Variants in SYT1 observed in about 807,000 individuals in gnomAD.
SYT1 encodes the protein synaptotagmin 1, also known as synaptotagmin-1.
A neutral mutation model predicts 44.8 loss-of-function variants in SYT1; 8 were observed. The observed-to-expected ratio is 0.18, with a 90% CI of 0.10 to 0.32. The LOEUF (loss-of-function observed/expected upper bound fraction) is 0.32. Ranked by LOEUF, SYT1 falls within the 10% of genes least tolerant of loss-of-function variation. The pLI, the probability that SYT1 is intolerant of heterozygous loss-of-function variation, is 1.00. For missense variants in SYT1, 286 were observed against 509.3 expected (o/e 0.56, Z 4.22); for synonymous variants, 154 against 188.8 (o/e 0.82, Z 1.51).
intron 3 of SYT1, among the ~76,000 whole-genome samples, chr12:79,066,792 C>T (rs372930246): frequency 4.6e-5 from 7 of 152,214 alleles, no homozygotes; most frequent in East Asian, 3.9e-4. Context: ...TGATGATTAT[C>T]CAGTTGCTTT....
At chr12:79,332,593 G>A (rs941134) in intron 8 of SYT1, among the ~76,000 whole-genome samples, 16,984 of 152,192 alleles carry the variant, frequency 0.11, 1,413 homozygotes, top group African/African-American at 0.24. Context: ...ATAAAAGTCA[G>A]TAACTCCGAA....
At chr12:79,318,901 A>G (rs1881224128) in intron 8 of SYT1, among the ~76,000 whole-genome samples, 1 of 152,220 alleles carries the variant, frequency 6.6e-6, no homozygotes, top group South Asian at 2.1e-4. Context: ...TTATGTTTTT[A>G]TTTTATAACG....
chr12:79,443,922 A>G, intron 9 of SYT1, 151 bp from the exon 10 acceptor site: 1 of 830,338 alleles, frequency 1.2e-6, no homozygotes, highest in Non-Finnish European at 1.8e-6. Context: ...GTTATTTAAA[A>G]TATTTCAATA....
intron 2 of SYT1, among the ~76,000 whole-genome samples, chr12:79,009,088 A>G (rs778074805): frequency 1.6e-4 from 25 of 152,252 alleles, no homozygotes; most frequent in South Asian, 8.3e-4. Context: ...CTTTCATTAC[A>G]TGTTTAACTT....
chr12:79,310,244 G>A (rs1880704874), intron 8 of SYT1, among the ~76,000 whole-genome samples: 1 of 152,028 alleles, frequency 6.6e-6, no homozygotes, highest in African/African-American at 2.4e-5. Flanking sequence ...TGGCTAGCCA[G>A]TTTTCCCAGC....
chr12:79,280,134 A>G (rs2138807491), intron 4 of SYT1, among the ~76,000 whole-genome samples: 1 of 152,164 alleles, frequency 6.6e-6, no homozygotes, highest in Admixed American at 6.5e-5. Flanking sequence ...CAGAATTAGA[A>G]AAAAAAACAC....
At chr12:79,251,336 GA>G (rs11412114) in intron 4 of SYT1, among the ~76,000 whole-genome samples, 13 of 147,978 alleles carry the variant, frequency 8.8e-5, no homozygotes, top group South Asian at 2.1e-4. Flanking sequence ...AACCTGGAGG[GA>G]AAAAAAAAAT....
intron 1 of SYT1, among the ~76,000 whole-genome samples, chr12:78,926,890 T>C (rs939275845): frequency 1.3e-5 from 2 of 152,188 alleles, no homozygotes; most frequent in Non-Finnish European, 2.9e-5. Context: ...AATGCACCTT[T>C]GGTACACTTT....
chr12:79,257,766 C>T (rs1318828993), intron 4 of SYT1, among the ~76,000 whole-genome samples: 2 of 152,180 alleles, frequency 1.3e-5, no homozygotes, highest in African/African-American at 4.8e-5. Flanking sequence ...GGATTACAGG[C>T]GTGAGCCACC....
At chr12:78,909,816 A>G (rs1360779600) in intron 1 of SYT1, among the ~76,000 whole-genome samples, 1 of 151,990 alleles carries the variant, frequency 6.6e-6, no homozygotes, top group African/African-American at 2.4e-5. Flanking sequence ...TTTTACTGCA[A>G]TCGAATACCA....
intron 3 of SYT1, among the ~76,000 whole-genome samples, 174 bp from the exon 4 acceptor site, chr12:79,217,329 C>T (rs1044784526): frequency 1.3e-5 from 2 of 152,180 alleles, no homozygotes; most frequent in African/African-American, 2.4e-5. Context: ...ACTCTTCACT[C>T]GCTGTGGTTC....
At chr12:79,423,978 A>G (rs1869278840) in intron 9 of SYT1, among the ~76,000 whole-genome samples, 1 of 151,610 alleles carries the variant, frequency 6.6e-6, no homozygotes, top group Non-Finnish European at 1.5e-5. Context: ...GTATTTGGTT[A>G]TTTCTTTTTT....
At chr12:79,383,978 A>C (rs1884327896) in intron 9 of SYT1, among the ~76,000 whole-genome samples, 1 of 152,192 alleles carries the variant, frequency 6.6e-6, no homozygotes. Flanking sequence ...ATCTTTTAGA[A>C]GTATTATTTG....
chr12:79,178,988 C>A (rs60790451), intron 3 of SYT1, among the ~76,000 whole-genome samples: 450 of 42,590 alleles, frequency 0.011, 43 homozygotes, highest in African/African-American at 0.027. Flanking sequence ...ATAGATATAT[C>A]TATATAGATA....
chr12:79,047,538 T>G (rs1251486216), intron 3 of SYT1, among the ~76,000 whole-genome samples, 176 bp downstream of exon 3: 1 of 151,860 alleles, frequency 6.6e-6, no homozygotes, highest in African/African-American at 2.4e-5. Context: ...CCTATAATCC[T>G]CTTACATAAG....
chr12:79,225,011 C>T (rs1875428097), intron 4 of SYT1, among the ~76,000 whole-genome samples: 1 of 151,780 alleles, frequency 6.6e-6, no homozygotes, highest in South Asian at 2.1e-4. Flanking sequence ...GAACTCCCGA[C>T]CTCAGGTGAT....
intron 9 of SYT1, among the ~76,000 whole-genome samples, chr12:79,412,249 G>A (rs1474033713): frequency 2.6e-5 from 4 of 152,128 alleles, no homozygotes; most frequent in Non-Finnish European, 4.4e-5. Context: ...TGCTTAGGAG[G>A]AGCCAGCCAC....
intron 2 of SYT1, among the ~76,000 whole-genome samples, chr12:79,025,924 A>G (rs1345598678): frequency 6.6e-6 from 1 of 151,622 alleles, no homozygotes; most frequent in African/African-American, 2.4e-5. Flanking sequence ...TTATGTTTAT[A>G]TATGAATATG....
intron 3 of SYT1, among the ~76,000 whole-genome samples, chr12:79,065,311 G>T (rs1311676997): frequency 2.6e-5 from 4 of 152,158 alleles, no homozygotes; most frequent in African/African-American, 7.2e-5. Context: ...TTGAGTCCGG[G>T]AGGTGAAGGA....
Sources: allele counts gnomAD v4.1 joint callset (sites outside exome capture counted in the v4.1 genomes callset), GRCh38; gene constraint gnomAD v4.1.1; transcripts MANE v1.5; gene names NCBI Gene and HGNC (gene_info 2026-07-23, HGNC 2026-07-21).